The following ARL6IP5 variants were observed in gnomAD, a reference collection of about 807,000 sequenced individuals.
ARL6IP5 encodes the protein ARF like GTPase 6 interacting protein 5, also known as PRA1 family protein 3.
In ARL6IP5, 6 loss-of-function variants were observed where a neutral mutation model predicts 13.0. The observed-to-expected ratio is 0.46, with a 90% CI of 0.25 to 0.91. ARL6IP5 has a LOEUF of 0.91. Ranked by LOEUF, ARL6IP5 falls within the 40% of genes least tolerant of loss-of-function variation. The pLI, the probability that ARL6IP5 is intolerant of heterozygous loss-of-function variation, is 0.17. For missense variants in ARL6IP5, 208 were observed against 248.8 expected, an observed-to-expected ratio of 0.84 and a Z score of 1.10; for synonymous variants, 91 against 91.9, an observed-to-expected ratio of 0.99 and a Z score of 0.06.
In ARL6IP5 at chr3:69,084,991, C is replaced by T. The variant is rs906410779; in HGVS notation, c.-57C>T. 9.5e-6 allele frequency: 15 copies of T among 1,582,480 alleles called. No individual in the cohort carries two copies. The highest frequency in any genetic ancestry group is 1.3e-5 in the Non-Finnish European group (15 of 1,164,700). ...AACTCTCCAACTCAGCTCAGCTGATCGGTTGCCGCCGCCGCCGCCGCCAGA... is the reference window on the plus strand; with the variant it reads ...AACTCTCCAACTCAGCTCAGCTGATTGGTTGCCGCCGCCGCCGCCGCCAGA... On this transcript the variant is annotated 5_prime_UTR_variant, in exon 1 of 3. Transcript: ENST00000273258.
chr3:69,098,866 G>T (rs1022900914), intron 1 of ARL6IP5, among the ~76,000 whole-genome samples: 1 of 152,030 alleles, frequency 6.6e-6, no homozygotes, highest in Non-Finnish European at 1.5e-5. Flanking sequence ...TATTGGTATT[G>T]TTGGCCATAT....
chr3:69,099,454 T>C (rs1264748977), intron 1 of ARL6IP5, among the ~76,000 whole-genome samples: 1 of 152,228 alleles, frequency 6.6e-6, no homozygotes, highest in Non-Finnish European at 1.5e-5. Flanking sequence ...TTTAGCTTTT[T>C]CAAAGCAGTT....
intron 2 of ARL6IP5, 139 bp downstream of exon 2, chr3:69,102,195 G>A (rs1025860455): frequency 2.8e-5 from 24 of 855,478 alleles, no homozygotes; most frequent in Non-Finnish European, 3.5e-5. Context: ...CTTTCTACTT[G>A]TTATCCAACT....
rs550863909 is a variant in ARL6IP5, at chr3:69,087,838, T to G, written c.176+2615T>G. On this transcript the variant is annotated intron_variant, in intron 1 of 2. Transcript: ENST00000273258. ...ATTTGAAAATTATGTGGATAAAATG[T>G]GAAATTTCCTTCATACTTCAGTAAA... 1.0e-3 allele frequency among the ~76,000 whole-genome samples: 158 copies of G among 152,346 alleles called. No individual in the cohort carries two copies. In the South Asian group the frequency reaches 0.02, roughly 19 times the overall value.
intron 2 of ARL6IP5, 186 bp downstream of exon 2, chr3:69,102,242 G>T: frequency 4.8e-6 from 3 of 628,298 alleles, no homozygotes; most frequent in South Asian, 3.9e-5. Flanking sequence ...CAAGAACTAT[G>T]AGGTCAAGGC....
At chr3:69,102,244 G>A in intron 2 of ARL6IP5, 188 bp downstream of exon 2, 1 of 621,634 alleles carries the variant, frequency 1.6e-6, no homozygotes, top group Non-Finnish European at 2.8e-6. Flanking sequence ...AGAACTATGA[G>A]GTCAAGGCCT....
In ARL6IP5 at chr3:69,104,804, G is replaced by C. The variant is rs1439242751; in HGVS notation, c.*168G>C. The C allele has an allele frequency of 1.2e-6, 1 of 811,272 alleles. No individual in the cohort carries two copies. Among genetic ancestry groups the C allele is most frequent in the East Asian group, 2.7e-5 (1 of 37,724 alleles). The allele number at this position is 811,272 out of a possible 1,614,324, so 50.3% of individuals were successfully genotyped here. A position where few individuals can be genotyped will look rare whatever the true frequency, so the allele number is the denominator to read the frequency against. ...CTATTATCAGCTCTGATGTTTCAGA[G>C]AGAAGACCTCAGAAACCGAAAGAAA... On this transcript the variant is annotated 3_prime_UTR_variant, in exon 3 of 3. Transcript: ENST00000273258.
rs1376483116 is a variant in ARL6IP5, at chr3:69,100,806, A to C, written c.177-1033A>C. ...AAATAAAAAAAAAAAAAAAAGAAAA[A>C]CAGTGATTAATAGCACCTCACTTTG... is the stretch of plus-strand genomic sequence containing the variant. On this transcript the variant is annotated intron_variant, in intron 1 of 2. Coordinates refer to ENST00000273258, the MANE Select transcript of ARL6IP5 (RefSeq NM_006407.4). Among the ~76,000 whole-genome samples the C allele has an allele frequency of 2.0e-5, 3 of 151,684 alleles. No individual in the cohort carries two copies. The East Asian group carries it at 5.8e-4, about 29-fold the overall frequency.
At chr3:69,090,516 C>T (rs1244215371) in intron 1 of ARL6IP5, among the ~76,000 whole-genome samples, 1 of 152,244 alleles carries the variant, frequency 6.6e-6, no homozygotes, top group Non-Finnish European at 1.5e-5. Context: ...ACACATCCTT[C>T]TCAACCTGAC....
chr3:69,104,955 A>G lies in ARL6IP5; in HGVS notation c.*319A>G. On this transcript the variant is annotated 3_prime_UTR_variant, in exon 3 of 3. Transcript: ENST00000273258. ...GAATTACGGCTTTTACAGCAACAAT[A>G]CGATTATCTTATAGGAAAAAAAAAA... 1.5e-6 allele frequency: 1 copy of G among 684,178 alleles called. No individual in the cohort carries two copies. 42.4% of individuals were successfully genotyped at this position (684,178 alleles called of 1,614,324 possible). A position where few individuals can be genotyped will look rare whatever the true frequency, so the allele number is the denominator to read the frequency against.
intron 2 of ARL6IP5, 83 bp from the exon 3 acceptor site, chr3:69,104,381 T>C (rs1022024166): frequency 3.6e-6 from 5 of 1,379,862 alleles, no homozygotes; most frequent in African/African-American, 1.4e-5. Flanking sequence ...AGTTTACTAA[T>C]AGTGTGAAGA....
intron 1 of ARL6IP5, among the ~76,000 whole-genome samples, chr3:69,090,168 G>T (rs755536665): frequency 6.6e-6 from 1 of 152,194 alleles, no homozygotes; most frequent in African/African-American, 2.4e-5. Flanking sequence ...GAAAAAAAGC[G>T]TAAGGCAACC....
At chr3:69,085,334 C>A in intron 1 of ARL6IP5, 111 bp downstream of exon 1, 1 of 1,353,100 alleles carries the variant, frequency 7.4e-7, no homozygotes, top group Non-Finnish European at 1.0e-6. Flanking sequence ...CAGCGCCTGC[C>A]CTGGCAATTC....
At chr3:69,096,844 C>T (rs530803400) in intron 1 of ARL6IP5, among the ~76,000 whole-genome samples, 1 of 151,906 alleles carries the variant, frequency 6.6e-6, no homozygotes, top group Non-Finnish European at 1.5e-5. Flanking sequence ...CCTTGTGATC[C>T]ACCTGCCTCA....
At chr3:69,101,425 T>C (rs7614224) in intron 1 of ARL6IP5, among the ~76,000 whole-genome samples, 13,470 of 150,206 alleles carry the variant, frequency 0.09, 1,108 homozygotes, top group East Asian at 0.35. Flanking sequence ...CAGGTTCAAG[T>C]GATCCTCCCA....
At position 69,085,139 on chromosome 3, in the gene ARL6IP5, A is replaced by G. The variant is rs768390281; in HGVS notation, c.92A>G (p.Lys31Arg). Residue 31 changes from lysine to arginine, a missense_variant, in exon 1 of 3, where the codon AAA becomes AGA. By Grantham distance (26) the Lys-to-Arg change is conservative. Transcript: ENST00000273258. ...CGGCCGGACTTCAGGGACATTTCCA[A>G]ATGGAACAACCGCGTAGTGAGCAAC... is the stretch of plus-strand genomic sequence containing the variant. Reference protein sequence around the residue: ...FARPDFRDISKWNNRVVSNLL... With the variant: ...FARPDFRDISRWNNRVVSNLL... 1.2e-6 allele frequency: 2 copies of G among 1,614,188 alleles called. No homozygotes were observed. Among genetic ancestry groups the G allele is most frequent in the South Asian group, 2.2e-5 (2 of 91,088 alleles).
intron 1 of ARL6IP5, among the ~76,000 whole-genome samples, chr3:69,089,637 TAAA>T (rs35599045): frequency 3.8e-5 from 5 of 132,448 alleles, no homozygotes; most frequent in African/African-American, 8.6e-5. Flanking sequence ...AAACCCTGTC[TAAA>T]AAAAAAAAAA....
At chr3:69,102,367 G>A (rs1213786646) in intron 2 of ARL6IP5, 7 of 353,174 alleles carry the variant, frequency 2.0e-5, no homozygotes, top group Admixed American at 4.1e-5. Context: ...GTGTTATCTC[G>A]GCTTACTGCA....
chr3:69,104,357 T>C lies in ARL6IP5; in HGVS notation c.395-107T>C, dbSNP rs554176874. ...TCAATTCGAGAAGCAGACTGGACTGTGGCTAACTAAGGCAGTTTACTAATA... is the reference window on the plus strand; with the variant it reads ...TCAATTCGAGAAGCAGACTGGACTGCGGCTAACTAAGGCAGTTTACTAATA... On this transcript the variant is annotated intron_variant, in intron 2 of 2. Transcript: ENST00000273258. 16 of 1,145,070 alleles carry C rather than the reference T, an allele frequency of 1.4e-5. No individual in the cohort carries two copies. The African/African-American group carries it at 2.3e-4, about 17-fold the overall frequency. The allele number at this position is 1,145,070 out of a possible 1,614,324, so 70.9% of individuals were successfully genotyped here.
Sources: gnomAD v4.1 joint callset for allele counts (sites outside exome capture counted in the v4.1 genomes callset) on GRCh38, gnomAD v4.1.1 for gene constraint, MANE v1.5 for transcripts, NCBI Gene and HGNC (gene_info 2026-07-23, HGNC 2026-07-21) for gene names.